The following CCDC158 variants were observed in gnomAD, a reference collection of about 807,000 sequenced individuals.
CCDC158 encodes the protein coiled-coil domain-containing protein 158.
In CCDC158, 116 loss-of-function variants were observed where a neutral mutation model predicts 138.6. The ratio of observed to expected loss-of-function variants is 0.84; its 90% CI spans 0.72 to 0.98. The LOEUF is 0.98. Ranked by LOEUF, CCDC158 falls within the 50% of genes least tolerant of loss-of-function variation. The pLI is 0.00. For missense variants in CCDC158, 1,265 were observed against 1,306.1 expected, an observed-to-expected ratio of 0.97 and a Z score of 0.48; for synonymous variants, 436 against 442.4, an observed-to-expected ratio of 0.99 and a Z score of 0.18.
chr4:76,366,191 G>A (rs758999888), intron 12 of CCDC158, among the ~76,000 whole-genome samples: 44 of 152,266 alleles, frequency 2.9e-4, no homozygotes, highest in Non-Finnish European at 5.9e-4. Context: ...GGGTTTCATT[G>A]TAGGGCTGGC....
rs1456570057 is a variant in CCDC158 at position 76,384,291 on chromosome 4, GT to G, written c.522del (p.Gln174HisfsTer5). 6.2e-7 allele frequency: 1 copy of G among 1,614,072 alleles called. No homozygotes were observed. Among genetic ancestry groups the G allele is most frequent in the Non-Finnish European group, 8.5e-7 (1 of 1,179,996 alleles). ...TCATGACTAAGCATCATTTTTCGTA[GT>G]TGCTCTATCTGTGTGTTGCTGTCTT... Reference protein sequence around the residue: ...MLKDSNTQIEQLRKMMLSHEG... With the variant: ...MLKDSNTQIEXLRKMMLSHEG... On this transcript the variant is annotated frameshift_variant, in exon 6 of 25. Transcript: ENST00000682701. LOFTEE classifies it high-confidence loss of function.
intron 1 of CCDC158, among the ~76,000 whole-genome samples, chr4:76,414,866 C>T (rs749696423): frequency 3.3e-5 from 5 of 152,102 alleles, no homozygotes; most frequent in Non-Finnish European, 7.3e-5. Context: ...TTAACAGCAG[C>T]GTGAAAACAG....
chr4:76,314,958 G>T (rs1304336828), intron 24 of CCDC158, among the ~76,000 whole-genome samples: 1 of 152,184 alleles, frequency 6.6e-6, no homozygotes. Context: ...AGACAGGAAG[G>T]GGCAGGTGAG....
At chr4:76,374,390 A>G (rs1016802276) in intron 9 of CCDC158, among the ~76,000 whole-genome samples, 4 of 152,212 alleles carry the variant, frequency 2.6e-5, no homozygotes, top group Admixed American at 2.0e-4. Context: ...TTACACAATT[A>G]TGTTTGCCTG....
At chr4:76,342,994 T>C (rs1722201183) in intron 18 of CCDC158, among the ~76,000 whole-genome samples, 1 of 152,210 alleles carries the variant, frequency 6.6e-6, no homozygotes, top group South Asian at 2.1e-4. Flanking sequence ...AGGTGATTAC[T>C]CATTCTTTCC....
At chr4:76,321,545 G>A (rs868221222) in intron 24 of CCDC158, among the ~76,000 whole-genome samples, 3 of 148,454 alleles carry the variant, frequency 2.0e-5, no homozygotes, top group Non-Finnish European at 4.5e-5. Context: ...AAATTATATC[G>A]ATCTATCTAT....
At chr4:76,344,937 A>G in intron 18 of CCDC158, 1 of 1,523,576 alleles carries the variant, frequency 6.6e-7, no homozygotes, top group Non-Finnish European at 9.1e-7. Context: ...GGCTTCTTCA[A>G]AAGTGTGGTG....
At chr4:76,385,286 T>C (rs551304186) in intron 4 of CCDC158, among the ~76,000 whole-genome samples, 5 of 151,706 alleles carry the variant, frequency 3.3e-5, no homozygotes, top group Non-Finnish European at 7.4e-5. Flanking sequence ...CACTGAACAC[T>C]TGAAGAAAAA....
intron 24 of CCDC158, among the ~76,000 whole-genome samples, chr4:76,315,544 A>C (rs752443763): frequency 6.6e-6 from 1 of 152,224 alleles, no homozygotes; most frequent in Non-Finnish European, 1.5e-5. Flanking sequence ...ATGATAGAAT[A>C]ACCCTGCACC....
intron 18 of CCDC158, among the ~76,000 whole-genome samples, chr4:76,336,918 A>G (rs564965151): frequency 8.0e-4 from 122 of 152,286 alleles, no homozygotes; most frequent in African/African-American, 2.6e-3. Context: ...AGAAGTTCTT[A>G]ATAAGCTTCC....
intron 2 of CCDC158, among the ~76,000 whole-genome samples, chr4:76,409,724 G>A (rs971351453): frequency 8.6e-5 from 13 of 152,036 alleles, no homozygotes; most frequent in Non-Finnish European, 1.2e-4. Flanking sequence ...CCAGCTATTC[G>A]GGAGGCTGAG....
chr4:76,361,814 T>C (rs924347399), intron 13 of CCDC158, among the ~76,000 whole-genome samples: 3 of 152,308 alleles, frequency 2.0e-5, no homozygotes, highest in Admixed American at 6.5e-5. Flanking sequence ...GCAGACAATG[T>C]GATTTATGTG....
intron 4 of CCDC158, among the ~76,000 whole-genome samples, chr4:76,394,457 T>C (rs1203731011): frequency 3.3e-5 from 5 of 150,944 alleles, no homozygotes; most frequent in Non-Finnish European, 1.5e-5. Flanking sequence ...AGATAGAGAG[T>C]AGAGGGATGG....
intron 2 of CCDC158, among the ~76,000 whole-genome samples, chr4:76,406,814 A>G (rs968327560): frequency 4.6e-5 from 7 of 152,144 alleles, no homozygotes; most frequent in African/African-American, 1.7e-4. Context: ...AATCTGTGAC[A>G]TACATTAAAA....
chr4:76,362,712 CA>C lies in CCDC158; in HGVS notation c.1831-398del, dbSNP rs1329419062. Among the ~76,000 whole-genome samples the C allele has an allele frequency of 2.0e-5, 3 of 152,176 alleles. No homozygotes were observed. The East Asian group carries it at 5.8e-4, about 29-fold the overall frequency. The stretch of plus-strand genomic sequence containing the variant: ...AAGCAGGGCTATGACTAGGGTAATG[CA>C]AGTGAAGCAGCTAGGTGAGGGCCTC... On this transcript the variant is annotated intron_variant, in intron 12 of 24. Transcript: ENST00000682701.
At chr4:76,341,165 C>T (rs1228222633) in intron 18 of CCDC158, among the ~76,000 whole-genome samples, 1 of 152,088 alleles carries the variant, frequency 6.6e-6, no homozygotes, top group Admixed American at 6.6e-5. Context: ...TTCTCCAATA[C>T]TGTTTTTTCT....
chr4:76,410,267 C>A (rs1408844723), intron 2 of CCDC158, among the ~76,000 whole-genome samples: 1 of 152,156 alleles, frequency 6.6e-6, no homozygotes, highest in Non-Finnish European at 1.5e-5. Flanking sequence ...TCACTGCAAC[C>A]TCCACCTCCC....
At position 76,395,433 on chromosome 4, in the gene CCDC158, A is replaced by G. The variant is rs1455148801; in HGVS notation, c.288+836T>C. Among the ~76,000 whole-genome samples, 3 of 152,330 alleles carry G rather than the reference A, an allele frequency of 2.0e-5. No homozygotes were observed. The East Asian group carries it at 5.8e-4, about 29-fold the overall frequency. ...AAAATTAGATGTACTAAATACTGCAATAAATGTGCACAAATGGCAGTAACT... is the reference window on the plus strand; with the variant it reads ...AAAATTAGATGTACTAAATACTGCAGTAAATGTGCACAAATGGCAGTAACT... On this transcript the variant is annotated intron_variant, in intron 4 of 24. Coordinates refer to ENST00000682701, the MANE Select transcript of CCDC158 (RefSeq NM_001394954.1).
chr4:76,377,536 G>A (rs575645314), intron 9 of CCDC158, among the ~76,000 whole-genome samples: 1 of 152,302 alleles, frequency 6.6e-6, no homozygotes, highest in African/African-American at 2.4e-5. Flanking sequence ...CCCTCCTGCT[G>A]TTGTCTGCAG....
Sources: allele counts gnomAD v4.1 joint callset (sites outside exome capture counted in the v4.1 genomes callset), GRCh38; gene constraint gnomAD v4.1.1; transcripts MANE v1.5; gene names NCBI Gene and HGNC (gene_info 2026-07-23, HGNC 2026-07-21).